The following NRG1 variants were observed in gnomAD, a reference collection of about 807,000 sequenced individuals.
The protein encoded by NRG1 is neuregulin 1.
Under a neutral mutation model 63.8 loss-of-function variants are expected in NRG1, and 18 were observed. That is an observed-to-expected ratio of 0.28 (90% CI 0.19 to 0.42). The LOEUF is 0.42. Ranked by LOEUF, NRG1 falls within the 10% of genes least tolerant of loss-of-function variation. The pLI, the probability that NRG1 is intolerant of heterozygous loss-of-function variation, is 1.00. For synonymous variants in NRG1, 302 were observed against 301.3 expected, an observed-to-expected ratio of 1.00 and a Z score of -0.02; for missense variants, 762 against 814.7, an observed-to-expected ratio of 0.94 and a Z score of 0.79.
intron 1 of NRG1, among the ~76,000 whole-genome samples, chr8:32,388,986 A>G (rs566252933): frequency 2.6e-4 from 39 of 152,338 alleles, no homozygotes; most frequent in South Asian, 2.1e-4. Flanking sequence ...CATATTAGGA[A>G]ATAGCCACAT....
At chr8:32,764,053 A>G in exon 12 of NRG1, 2 of 1,614,108 alleles carry the variant, frequency 1.2e-6, no homozygotes, top group South Asian at 1.1e-5. Flanking sequence ...GATGAGGAGT[A>G]TGAAACGACC....
chr8:32,558,674 A>C (rs905362060), intron 1 of NRG1, among the ~76,000 whole-genome samples: 18 of 152,194 alleles, frequency 1.2e-4, no homozygotes, highest in African/African-American at 3.9e-4. Flanking sequence ...ATGTGATTTC[A>C]TAAAGTTACT....
At chr8:32,443,208 C>G (rs1819776442) in intron 1 of NRG1, among the ~76,000 whole-genome samples, 1 of 152,098 alleles carries the variant, frequency 6.6e-6, no homozygotes, top group South Asian at 2.1e-4. Flanking sequence ...TCCCAAAGTG[C>G]TGGCATTATA....
chr8:31,895,409 G>T (rs537397704), intron 1 of NRG1, among the ~76,000 whole-genome samples: 1 of 152,312 alleles, frequency 6.6e-6, no homozygotes, highest in Non-Finnish European at 1.5e-5. Context: ...TACTCTATCT[G>T]TTGGTTTTCA....
intron 1 of NRG1, among the ~76,000 whole-genome samples, chr8:31,875,831 T>C (rs1401336572): frequency 6.6e-6 from 1 of 152,174 alleles, no homozygotes; most frequent in African/African-American, 2.4e-5. Context: ...GAAATTCCCC[T>C]GAGGAATTAG....
intron 6 of NRG1, 86 bp downstream of exon 6, chr8:32,728,164 T>C: frequency 1.3e-6 from 2 of 1,566,928 alleles, no homozygotes; most frequent in East Asian, 2.3e-5. Flanking sequence ...TGTTGCTTTT[T>C]TTCCAATTTT....
At chr8:32,461,208 A>T (rs1392458113) in intron 1 of NRG1, among the ~76,000 whole-genome samples, 1 of 152,156 alleles carries the variant, frequency 6.6e-6, no homozygotes, top group Non-Finnish European at 1.5e-5. Context: ...AATCCTTTTT[A>T]AAAAAGTTTA....
chr8:31,904,158 A>G lies in NRG1; in HGVS notation c.37+264727A>G, dbSNP rs778977174. ...CAATACATTGATGTTGCTAAAGGCC[A>G]TATCAGTGCCCTCCGACCATGGAAG... On this transcript the variant is annotated intron_variant, in intron 1 of 10. Coordinates refer to the NRG1 transcript ENST00000519301. Among the ~76,000 whole-genome samples the G allele has an allele frequency of 2.0e-5, 3 of 152,162 alleles. No homozygotes were observed. The South Asian group carries it at 6.2e-4, about 32-fold the overall frequency.
At chr8:31,706,623 C>T (rs1200975093) in intron 1 of NRG1, among the ~76,000 whole-genome samples, 1 of 152,162 alleles carries the variant, frequency 6.6e-6, no homozygotes, top group East Asian at 1.9e-4. Context: ...TGTCAAATTG[C>T]CCTTGTATAG....
intron 1 of NRG1, among the ~76,000 whole-genome samples, chr8:32,322,856 C>T (rs1187890890): frequency 2.1e-5 from 2 of 95,244 alleles, no homozygotes; most frequent in Non-Finnish European, 4.5e-5. Flanking sequence ...AATAGCAATT[C>T]TCTGGGTTTT....
intron 1 of NRG1, among the ~76,000 whole-genome samples, chr8:32,116,799 T>C (rs1832771775): frequency 6.6e-6 from 1 of 151,976 alleles, no homozygotes; most frequent in Non-Finnish European, 1.5e-5. Flanking sequence ...AATGGAACCA[T>C]ATTTTGTAAT....
At chr8:31,662,623 T>A (rs758821663) in intron 1 of NRG1, among the ~76,000 whole-genome samples, 1 of 152,184 alleles carries the variant, frequency 6.6e-6, no homozygotes, top group African/African-American at 2.4e-5. Flanking sequence ...GGTAAATAAG[T>A]CAAGGTCGTC....
intron 1 of NRG1, among the ~76,000 whole-genome samples, chr8:32,487,634 C>T (rs1360325252): frequency 6.6e-6 from 1 of 152,158 alleles, no homozygotes; most frequent in East Asian, 1.9e-4. Flanking sequence ...CTTGAGACCG[C>T]ATCTGTATGC....
rs118007549 is a variant in NRG1 at position 32,402,036 on chromosome 8, C to T, written c.38-193792C>T. 4.7e-3 allele frequency among the ~76,000 whole-genome samples: 719 copies of T among 152,154 alleles called. 21 individuals are homozygous for T. In the East Asian group the frequency reaches 0.051, roughly 11 times the overall value. ...AGCAATTCTCCCTGCCTCAGTCACC[C>T]GAGTACCTGGGACAACAGGCGCCTA... is the stretch of plus-strand genomic sequence containing the variant. On this transcript the variant is annotated intron_variant, in intron 1 of 10. Transcript: ENST00000519301.
rs955648728 is a variant in NRG1, at chr8:31,947,257, G to A, written c.37+307826G>A. 6.8e-5 allele frequency among the ~76,000 whole-genome samples: 10 copies of A among 147,382 alleles called. No homozygotes were observed. The East Asian group carries it at 1.1e-3, about 16-fold the overall frequency. ...GGAGCTTGCAGTGAGCTGAGATTGC[G>A]CCACTGCAGTCCGCAGTCCGGCCTG... On this transcript the variant is annotated intron_variant, in intron 1 of 10. Transcript: ENST00000519301.
intron 1 of NRG1, among the ~76,000 whole-genome samples, chr8:32,527,989 A>C (rs756237855): frequency 2.0e-5 from 3 of 152,154 alleles, no homozygotes; most frequent in Non-Finnish European, 4.4e-5. Flanking sequence ...CTTGACTGGT[A>C]CATGTGCCGT....
At chr8:31,857,524 G>A (rs1208508341) in intron 1 of NRG1, among the ~76,000 whole-genome samples, 3 of 152,188 alleles carry the variant, frequency 2.0e-5, no homozygotes, top group Non-Finnish European at 4.4e-5. Flanking sequence ...GCACTCCCTA[G>A]TGAGATGAAC....
At chr8:32,469,575 G>A (rs1823512733) in intron 1 of NRG1, among the ~76,000 whole-genome samples, 1 of 152,184 alleles carries the variant, frequency 6.6e-6, no homozygotes, top group Non-Finnish European at 1.5e-5. Context: ...TAACCTCTCT[G>A]CCTCAGTTTC....
intron 1 of NRG1, among the ~76,000 whole-genome samples, chr8:31,888,364 A>G (rs945712984): frequency 1.3e-5 from 2 of 152,124 alleles, no homozygotes; most frequent in Non-Finnish European, 2.9e-5. Flanking sequence ...AAAAGAGAAT[A>G]CGCTTTGTTA....
Sources: allele counts gnomAD v4.1 joint callset (sites outside exome capture counted in the v4.1 genomes callset), GRCh38; gene constraint gnomAD v4.1.1; transcripts MANE v1.5; gene names NCBI Gene and HGNC (gene_info 2026-07-23, HGNC 2026-07-21).